Variants in CDH23 observed in about 807,000 individuals in gnomAD.
CDH23 encodes cadherin related 23, also known as cadherin-23.
In CDH23, 189 loss-of-function variants were observed where a neutral mutation model predicts 317.1. That is an observed-to-expected ratio of 0.60 (90% CI 0.53 to 0.67). CDH23 has a LOEUF of 0.67. CDH23 is among the 30% of genes least tolerant of loss of function. The probability of loss-of-function intolerance (pLI) is 0.00; values close to 1 mark genes in which losing one functional copy is unlikely to be tolerated. For missense variants in CDH23, 4,401 were observed against 4,592.4 expected, an observed-to-expected ratio of 0.96 and a Z score of 1.20; for synonymous variants, 1,839 against 1,876.8, an observed-to-expected ratio of 0.98 and a Z score of 0.52.
chr10:71,803,317 C>A lies in CDH23; in HGVS notation c.7769C>A (p.Pro2590Gln), dbSNP rs368781470. The change falls in exon 55 of 70, where the codon CCA becomes CAA. Residue 2590 changes from proline to glutamine, a missense_variant. This residue lies in a region of CDH23 where 1,144 missense variants were observed against 1,138.2 expected (regional missense o/e 1.01). Transcript: ENST00000224721. ...TVVATDGGEPPLWGTTMLLVE... is the reference protein window; with the variant it reads ...TVVATDGGEPQLWGTTMLLVE... ...GTGGCCACAGATGGTGGAGAGCCCC[C>A]ACTCTGGGGCACCACCATGCTCCTG... The A allele has an allele frequency of 1.3e-6, 2 of 1,592,108 alleles. No homozygotes were observed. Among genetic ancestry groups the A allele is most frequent in the East Asian group, 2.3e-5 (1 of 43,358 alleles).
rs190971843 is a variant in CDH23 at position 71,633,192 on chromosome 10, C to T, written c.1135-10669C>T. ...TCACGATCCAATCACCTCTTAAAGG[C>T]CCCACCTCTCAATACTGCCACTGAG... On this transcript the variant is annotated intron_variant, in intron 11 of 69. Coordinates refer to ENST00000224721, the MANE Select transcript of CDH23 (RefSeq NM_022124.6). Among the ~76,000 whole-genome samples, 204 of 152,182 alleles carry T rather than the reference C, an allele frequency of 1.3e-3. 1 individual carries two copies. The highest frequency in any genetic ancestry group is 4.8e-3 in the African/African-American group (200 of 41,504).
intron 6 of CDH23, among the ~76,000 whole-genome samples, chr10:71,564,947 A>G (rs1166366412): frequency 6.6e-6 from 1 of 152,278 alleles, no homozygotes; most frequent in Non-Finnish European, 1.5e-5. Flanking sequence ...AAATACCCAC[A>G]AAACAGTATC....
chr10:71,449,707 A>G (rs1850340505), intron 3 of CDH23, among the ~76,000 whole-genome samples: 1 of 152,196 alleles, frequency 6.6e-6, no homozygotes, highest in Non-Finnish European at 1.5e-5. Flanking sequence ...GCTTCTGTGA[A>G]TGTGCTTTCC....
chr10:71,650,551 ATG>A (rs1349176628), intron 14 of CDH23, among the ~76,000 whole-genome samples: 1 of 152,188 alleles, frequency 6.6e-6, no homozygotes, highest in Admixed American at 6.5e-5. Flanking sequence ...TGTAATATAC[ATG>A]TGTGTGTGCA....
At chr10:71,565,496 C>T (rs1857347528) in intron 6 of CDH23, among the ~76,000 whole-genome samples, 1 of 152,030 alleles carries the variant, frequency 6.6e-6, no homozygotes, top group South Asian at 2.1e-4. Context: ...CATTGAGAGC[C>T]CGGGGATTGG....
chr10:71,791,593 A>C (rs956524872), intron 47 of CDH23, among the ~76,000 whole-genome samples: 1 of 139,410 alleles, frequency 7.2e-6, no homozygotes, highest in African/African-American at 2.7e-5. Flanking sequence ...TTTTTTTTTT[A>C]AGACGGAGTT....
rs748714687 is a variant in CDH23, at chr10:71,777,680, GCCA to G, written c.4851_4853del (p.Thr1618del). ...GGACGTGACCCACTCTTTTCCACAG[GCCA>G]CCACGCACGTGTACGTGACCATTGT... On this transcript the variant is annotated inframe_deletion and splice_region_variant, in exon 39 of 70. Coordinates refer to ENST00000224721, the MANE Select transcript of CDH23 (RefSeq NM_022124.6). 2 of 1,608,266 alleles carry G rather than the reference GCCA, an allele frequency of 1.2e-6. No homozygotes were observed. The highest frequency in any genetic ancestry group is 3.4e-5 in the Admixed American group (2 of 59,274).
intron 6 of CDH23, among the ~76,000 whole-genome samples, chr10:71,550,722 G>A (rs566829532): frequency 2.0e-5 from 3 of 152,212 alleles, no homozygotes; most frequent in South Asian, 2.1e-4. Context: ...TTCCCCCACC[G>A]TCCCATCCTC....
At chr10:71,445,166 A>G (rs1251671978) in intron 2 of CDH23, among the ~76,000 whole-genome samples, 1 of 152,210 alleles carries the variant, frequency 6.6e-6, no homozygotes, top group Non-Finnish European at 1.5e-5. Context: ...GGCCACCGCC[A>G]CTTGCCAGCT....
intron 6 of CDH23, among the ~76,000 whole-genome samples, chr10:71,521,914 A>G (rs1228882217): frequency 6.6e-6 from 1 of 152,036 alleles, no homozygotes; most frequent in East Asian, 1.9e-4. Flanking sequence ...CCACCTGCAG[A>G]CAGGGGCGGT....
intron 15 of CDH23, 48 bp from the exon 16 acceptor site, chr10:71,677,408 G>A (rs1447895112): frequency 6.7e-7 from 1 of 1,494,546 alleles, no homozygotes; most frequent in Non-Finnish European, 9.1e-7. Context: ...CAACAAGCCT[G>A]TTTTAAACCA....
chr10:71,732,800 T>G, intron 32 of CDH23: 1 of 809,088 alleles, frequency 1.2e-6, no homozygotes, highest in Non-Finnish European at 1.5e-6. Context: ...TCGAAGTGTG[T>G]GTGGGGTTTT....
Position 71,629,774 on chromosome 10 carries a change from A to G in CDH23, c.1134+12381A>G, listed in dbSNP as rs548785529. 6.6e-5 allele frequency among the ~76,000 whole-genome samples: 10 copies of G among 152,290 alleles called. No homozygotes were observed. The South Asian group carries it at 2.1e-3, about 32-fold the overall frequency. On this transcript the variant is annotated intron_variant, in intron 11 of 69. Coordinates refer to ENST00000224721, the MANE Select transcript of CDH23 (RefSeq NM_022124.6). ...GTGTGGGAAACATCCAGAAGAGGCA[A>G]ATCCACAGACACGGGAAGCAGATTA...
chr10:71,805,932 G>T lies in CDH23; in HGVS notation c.7999G>T (p.Asp2667Tyr). The T allele has an allele frequency of 2.5e-6, 4 of 1,612,256 alleles. No homozygotes were observed. Among genetic ancestry groups the T allele is most frequent in the Non-Finnish European group, 3.4e-6 (4 of 1,179,238 alleles). ...GNRDWEFFIIDPISGLIQTAQ... is the reference protein window; with the variant it reads ...GNRDWEFFIIYPISGLIQTAQ... ...CCGGGACTGGGAGTTCTTCATCATC[G>T]ACCCAATCAGCGGCCTCATCCAGAC... Residue 2667 changes from aspartate to tyrosine, a missense_variant, in exon 56 of 70, where the codon GAC (aspartate) becomes TAC (tyrosine). Asp to Tyr is a radical substitution (Grantham distance 160). This residue lies in a region of CDH23 where 1,144 missense variants were observed against 1,138.2 expected (regional missense o/e 1.01). Transcript: ENST00000224721.
chr10:71,622,304 G>A (rs1255451737), intron 11 of CDH23, among the ~76,000 whole-genome samples: 1 of 152,120 alleles, frequency 6.6e-6, no homozygotes, highest in Non-Finnish European at 1.5e-5. Context: ...TCCTGGCCTT[G>A]CCTGCAGCCC....
At chr10:71,672,028 C>T (rs1376566470) in intron 14 of CDH23, among the ~76,000 whole-genome samples, 1 of 152,062 alleles carries the variant, frequency 6.6e-6, no homozygotes, top group Non-Finnish European at 1.5e-5. Context: ...CCCACGCTGC[C>T]CTCTGGGAGC....
chr10:71,500,861 CT>C (rs1564618478), intron 3 of CDH23, among the ~76,000 whole-genome samples: 2 of 120,858 alleles, frequency 1.7e-5, no homozygotes, highest in Non-Finnish European at 3.7e-5. Flanking sequence ...TTCTTTCTTT[CT>C]TTTTTTGTTT....
chr10:71,645,192 C>G (rs994302498), intron 12 of CDH23, among the ~76,000 whole-genome samples: 3 of 152,250 alleles, frequency 2.0e-5, no homozygotes, highest in African/African-American at 7.2e-5. Flanking sequence ...ACAGCAGAAC[C>G]TGTGATGGGG....
intron 3 of CDH23, among the ~76,000 whole-genome samples, chr10:71,494,322 G>C (rs752479793): frequency 2.0e-5 from 3 of 152,136 alleles, no homozygotes; most frequent in African/African-American, 4.8e-5. Flanking sequence ...CCTGCTTTTT[G>C]TCTATGTCTT....
Sources: allele counts gnomAD v4.1 joint callset (sites outside exome capture counted in the v4.1 genomes callset), GRCh38; gene constraint gnomAD v4.1.1; regional missense constraint gnomAD v4.1.1; transcripts MANE v1.5; gene names NCBI Gene and HGNC (gene_info 2026-07-23, HGNC 2026-07-21).